CTTNBP2NL: variants seen among roughly 807,000 people sequenced by gnomAD.
CTTNBP2NL encodes the protein CTTNBP2 N-terminal like.
Under a neutral mutation model 32.5 loss-of-function variants are expected in CTTNBP2NL, and 16 were observed. That is an observed-to-expected ratio of 0.49 (90% CI 0.33 to 0.75). CTTNBP2NL has a LOEUF of 0.75. Among genes scored for constraint, CTTNBP2NL ranks in the 30% least tolerant of loss-of-function variants. The probability of loss-of-function intolerance (pLI) is 0.02; values close to 1 mark genes in which losing one functional copy is unlikely to be tolerated. For missense variants in CTTNBP2NL, 645 were observed against 756.0 expected (o/e 0.85, Z 1.72); for synonymous variants, 298 against 289.4 (o/e 1.03, Z -0.30).
intron 4 of CTTNBP2NL, among the ~76,000 whole-genome samples, chr1:112,453,281 A>G (rs1650275083): frequency 6.6e-6 from 1 of 152,032 alleles, no homozygotes; most frequent in South Asian, 2.1e-4. Flanking sequence ...GTCCCAGAAA[A>G]TTTACTCTCT....
chr1:112,403,375 C>T (rs1304150140), intron 1 of CTTNBP2NL, among the ~76,000 whole-genome samples: 2 of 146,848 alleles, frequency 1.4e-5, no homozygotes, highest in Admixed American at 1.4e-4. Flanking sequence ...AAGTGCTGTA[C>T]ATTTCTTTCC....
chr1:112,400,414 A>G (rs1648463723), intron 1 of CTTNBP2NL, among the ~76,000 whole-genome samples: 1 of 152,170 alleles, frequency 6.6e-6, no homozygotes, highest in Admixed American at 6.5e-5. Flanking sequence ...TAATCACAGC[A>G]CTTTTGGAGG....
At chr1:112,435,202 C>G (rs150167966) in intron 3 of CTTNBP2NL, among the ~76,000 whole-genome samples, 35 of 147,172 alleles carry the variant, frequency 2.4e-4, no homozygotes, top group African/African-American at 8.3e-4. Flanking sequence ...TTGAATCATA[C>G]GTAACATGGT....
chr1:112,449,746 GTGTGTGT>G (rs5777119), intron 4 of CTTNBP2NL, among the ~76,000 whole-genome samples: 79,647 of 114,284 alleles, frequency 0.7, 22,700 homozygotes, highest in South Asian at 0.77. Flanking sequence ...GTGTGTGTGT[GTGTGTGT>G]TTTCCATATT....
chr1:112,391,353 C>G (rs565159732), upstream of CTTNBP2NL, among the ~76,000 whole-genome samples: 1 of 152,306 alleles, frequency 6.6e-6, no homozygotes, highest in East Asian at 1.9e-4. Context: ...CTTTTCATCA[C>G]TTTTCCCATT....
intron 3 of CTTNBP2NL, among the ~76,000 whole-genome samples, chr1:112,431,745 T>C (rs1427608323): frequency 6.6e-5 from 10 of 152,162 alleles, no homozygotes; most frequent in Non-Finnish European, 4.4e-5. Context: ...GACAGATCTC[T>C]CAGACAGTGA....
At chr1:112,399,789 C>G (rs551774571) in intron 1 of CTTNBP2NL, among the ~76,000 whole-genome samples, 107 of 152,246 alleles carry the variant, frequency 7.0e-4, no homozygotes, top group Non-Finnish European at 1.2e-3. Context: ...GAATATTTGG[C>G]CGAGCATGGT....
chr1:112,446,400 A>G (rs955422578), intron 3 of CTTNBP2NL, among the ~76,000 whole-genome samples: 5 of 152,090 alleles, frequency 3.3e-5, no homozygotes, highest in Admixed American at 6.6e-5. Context: ...AAAATTTGAT[A>G]CTTTCAGTGA....
upstream of CTTNBP2NL, among the ~76,000 whole-genome samples, chr1:112,392,018 A>AAATAAAT (rs1279413363): frequency 8.3e-4 from 126 of 151,562 alleles, no homozygotes; most frequent in African/African-American, 2.8e-3. Context: ...ATAAATAAAT[A>AAATAAAT]AAATAAGTCC....
chr1:112,435,925 G>T lies in CTTNBP2NL; in HGVS notation c.100-13017G>T, dbSNP rs538397045. 2.6e-5 allele frequency among the ~76,000 whole-genome samples: 4 copies of T among 152,082 alleles called. No individual in the cohort carries two copies. The South Asian group carries it at 6.2e-4, about 24-fold the overall frequency. On this transcript the variant is annotated intron_variant, in intron 3 of 5. Transcript: ENST00000271277. ...AAATTAGCTTGTCTTTCTTCATCTGGATACATACAAAAATATTATTTCCCA... is the reference window on the plus strand; with the variant it reads ...AAATTAGCTTGTCTTTCTTCATCTGTATACATACAAAAATATTATTTCCCA...
intron 3 of CTTNBP2NL, among the ~76,000 whole-genome samples, chr1:112,421,338 T>C (rs1340384738): frequency 7.8e-6 from 1 of 128,440 alleles, no homozygotes; most frequent in Non-Finnish European, 1.6e-5. Context: ...TGAGACGGAG[T>C]TGCCCAGGCT....
intron 1 of CTTNBP2NL, among the ~76,000 whole-genome samples, chr1:112,409,693 A>G (rs1214951460): frequency 1.3e-5 from 2 of 152,144 alleles, no homozygotes; most frequent in Non-Finnish European, 2.9e-5. Flanking sequence ...TTCAGTCTCT[A>G]TATGGTAAAA....
In CTTNBP2NL at chr1:112,458,264, A is replaced by G. The variant is rs1178943443; in HGVS notation, c.*852A>G. 6.5e-6 allele frequency: 1 copy of G among 152,674 alleles called. No homozygotes were observed. The allele number at this position is 152,674 out of a possible 1,614,324, so 9.5% of individuals were successfully genotyped here. ...TTCTGTATAAAAGTTTTGCAAGAGA[A>G]TGAATTTTTTATTCTGTAATCAAAA... On this transcript the variant is annotated 3_prime_UTR_variant, in exon 6 of 6. Coordinates refer to ENST00000271277, the MANE Select transcript of CTTNBP2NL (RefSeq NM_018704.3).
chr1:112,427,191 G>C (rs1211018214), intron 3 of CTTNBP2NL, among the ~76,000 whole-genome samples: 2 of 152,070 alleles, frequency 1.3e-5, no homozygotes, highest in African/African-American at 2.4e-5. Flanking sequence ...CATTTAAATT[G>C]ATTTTTAGTG....
chr1:112,437,675 C>T (rs556185103), intron 3 of CTTNBP2NL, among the ~76,000 whole-genome samples: 3 of 152,222 alleles, frequency 2.0e-5, no homozygotes, highest in Admixed American at 6.5e-5. Context: ...AGGTGCCCAC[C>T]AGCACACCCA....
chr1:112,440,265 A>T (rs1026075742), intron 3 of CTTNBP2NL, among the ~76,000 whole-genome samples: 4 of 152,236 alleles, frequency 2.6e-5, no homozygotes, highest in African/African-American at 9.6e-5. Flanking sequence ...TACATTTTGT[A>T]TATTTGATGT....
At chr1:112,406,355 A>G (rs1405927913) in intron 1 of CTTNBP2NL, among the ~76,000 whole-genome samples, 3 of 152,150 alleles carry the variant, frequency 2.0e-5, no homozygotes, top group African/African-American at 7.2e-5. Flanking sequence ...TACAATTCCT[A>G]AGGCTGATAA....
chr1:112,401,405 C>T (rs752652371), intron 1 of CTTNBP2NL, among the ~76,000 whole-genome samples: 1 of 152,168 alleles, frequency 6.6e-6, no homozygotes, highest in East Asian at 1.9e-4. Context: ...TTCAGCTAGC[C>T]GATGTCTTCT....
At chr1:112,440,685 A>G (rs1649868361) in intron 3 of CTTNBP2NL, among the ~76,000 whole-genome samples, 1 of 152,190 alleles carries the variant, frequency 6.6e-6, no homozygotes, top group African/African-American at 2.4e-5. Flanking sequence ...GTATTACTCA[A>G]TCAGCTAACA....
Sources: allele counts gnomAD v4.1 joint callset (sites outside exome capture counted in the v4.1 genomes callset), GRCh38; gene constraint gnomAD v4.1.1; transcripts MANE v1.5; gene names NCBI Gene and HGNC (gene_info 2026-07-23, HGNC 2026-07-21).